Variants in APBA2 observed in about 807,000 individuals in gnomAD.
APBA2 encodes the protein amyloid beta precursor protein binding family A member 2.
APBA2 carries 30 observed loss-of-function variants against 75.0 expected under a neutral mutation model. The ratio of observed to expected loss-of-function variants is 0.40; its 90% CI spans 0.30 to 0.54. The LOEUF (loss-of-function observed/expected upper bound fraction) is 0.54. APBA2 is among the 20% of genes least tolerant of loss of function. APBA2 has a pLI of 0.49. For missense variants in APBA2, 801 were observed against 1,016.1 expected (o/e 0.79, Z 2.88); for synonymous variants, 444 against 409.6 (o/e 1.08, Z -1.01).
chr15:28,963,290 G>C (rs1270881531), intron 2 of APBA2, among the ~76,000 whole-genome samples: 1 of 152,216 alleles, frequency 6.6e-6, no homozygotes, highest in Non-Finnish European at 1.5e-5. Flanking sequence ...TGTTAACTCA[G>C]GTGCTTTAGG....
intron 1 of APBA2, among the ~76,000 whole-genome samples, chr15:28,914,986 CCA>C (rs2033598892): frequency 6.8e-6 from 1 of 146,922 alleles, no homozygotes; most frequent in Non-Finnish European, 1.5e-5. Flanking sequence ...CCCATACACG[CCA>C]CACACATATC....
intron 3 of APBA2, among the ~76,000 whole-genome samples, chr15:29,013,935 G>T (rs1355497743): frequency 6.6e-6 from 1 of 152,198 alleles, no homozygotes; most frequent in African/African-American, 2.4e-5. Flanking sequence ...TCTCAATCAA[G>T]CAGGATATGT....
At chr15:28,916,643 C>T (rs1336047116) in intron 1 of APBA2, among the ~76,000 whole-genome samples, 5 of 130,946 alleles carry the variant, frequency 3.8e-5, no homozygotes, top group African/African-American at 5.7e-5. Context: ...GCCATCTTGA[C>T]GGACCTGTAA....
rs138958304 is a variant in APBA2 at position 29,033,108 on chromosome 15, C to T, written c.-40-20737C>T. Among the ~76,000 whole-genome samples, 220 of 152,326 alleles carry T rather than the reference C, an allele frequency of 1.4e-3. 1 individual carries two copies. The highest frequency in any genetic ancestry group is 4.3e-3 in the African/African-American group (180 of 41,574). On this transcript the variant is annotated intron_variant, in intron 3 of 14. Coordinates refer to ENST00000683413, the MANE Select transcript of APBA2 (RefSeq NM_001353788.2). Reference sequence around the variant, plus strand: ...TGTGGGCCCCACCCCAGCCTCTGAACGAGAATTGGCATACCAGCCAGATGC... The same window carrying T: ...TGTGGGCCCCACCCCAGCCTCTGAATGAGAATTGGCATACCAGCCAGATGC...
chr15:28,951,598 T>G (rs572056953), intron 2 of APBA2, among the ~76,000 whole-genome samples: 1 of 152,094 alleles, frequency 6.6e-6, no homozygotes, highest in Non-Finnish European at 1.5e-5. Context: ...TATTTTTTTA[T>G]TTTTTGAGAC....
intron 8 of APBA2, among the ~76,000 whole-genome samples, chr15:29,095,418 G>A (rs1350980463): frequency 3.9e-5 from 5 of 126,798 alleles, no homozygotes; most frequent in East Asian, 5.0e-4. Context: ...CAACACGAGC[G>A]AAACTCCATC....
chr15:28,935,794 T>C (rs2152694981), intron 2 of APBA2, among the ~76,000 whole-genome samples: 1 of 152,330 alleles, frequency 6.6e-6, no homozygotes, highest in Middle Eastern at 3.4e-3. Flanking sequence ...CCCCTAATTG[T>C]CCAAGAGAAG....
In APBA2 at chr15:28,950,196, T is replaced by C. The variant is rs145414987; in HGVS notation, c.-95+28447T>C. ...CATGGTTAGACTGGAGTTATGGGTTTGGGGGAGGAAAACCACAGAAGCGAA... is the reference window on the plus strand; with the variant it reads ...CATGGTTAGACTGGAGTTATGGGTTCGGGGGAGGAAAACCACAGAAGCGAA... On this transcript the variant is annotated intron_variant, in intron 2 of 14. Coordinates refer to ENST00000683413, the MANE Select transcript of APBA2 (RefSeq NM_001353788.2). Among the ~76,000 whole-genome samples, 663 of 152,290 alleles carry C rather than the reference T, an allele frequency of 4.4e-3. 6 individuals carry two copies. Among genetic ancestry groups the C allele is most frequent in the African/African-American group, 0.015 (627 of 41,558 alleles).
intron 4 of APBA2, among the ~76,000 whole-genome samples, chr15:29,061,583 G>A (rs541563077): frequency 2.4e-4 from 37 of 152,368 alleles, no homozygotes; most frequent in Middle Eastern, 6.8e-3. Flanking sequence ...GGGAAGCATG[G>A]TCGAGGGCCC....
intron 8 of APBA2, 116 bp downstream of exon 8, chr15:29,094,429 C>A (rs907142045): frequency 4.0e-6 from 4 of 990,156 alleles, no homozygotes; most frequent in Non-Finnish European, 6.5e-6. Context: ...TGCAAAGCAG[C>A]TTTTCCTCTT....
chr15:29,018,119 C>A (rs1196736342), intron 3 of APBA2, among the ~76,000 whole-genome samples: 1 of 152,080 alleles, frequency 6.6e-6, no homozygotes, highest in Admixed American at 6.5e-5. Context: ...AGTCTCAGGG[C>A]CATTGGATGA....
intron 14 of APBA2, among the ~76,000 whole-genome samples, chr15:29,116,607 G>T (rs1250196921): frequency 6.8e-6 from 1 of 147,626 alleles, no homozygotes; most frequent in Middle Eastern, 3.2e-3. Flanking sequence ...CAGCCTGGGC[G>T]ACAGAGCAAG....
intron 4 of APBA2, among the ~76,000 whole-genome samples, chr15:29,063,385 G>A (rs1286374313): frequency 1.5e-5 from 2 of 133,398 alleles, no homozygotes; most frequent in South Asian, 5.8e-4. Context: ...GTCTGTATGG[G>A]TGGTGCGGGG....
chr15:29,038,576 G>GTGTCCCCACCGT (rs2040861242), intron 3 of APBA2, among the ~76,000 whole-genome samples: 1 of 152,050 alleles, frequency 6.6e-6, no homozygotes, highest in South Asian at 2.1e-4. Context: ...TAGGTGAACG[G>GTGTCCCCACCGT]TGGGGACAGA....
intron 3 of APBA2, among the ~76,000 whole-genome samples, chr15:29,045,437 C>T (rs117638468): frequency 2.2e-3 from 340 of 152,062 alleles, no homozygotes; most frequent in Non-Finnish European, 3.8e-3. Flanking sequence ...GCTCCACCCT[C>T]ATGACCTCAT....
At chr15:29,050,650 C>G (rs548872268) in intron 3 of APBA2, among the ~76,000 whole-genome samples, 1 of 152,270 alleles carries the variant, frequency 6.6e-6, no homozygotes, top group South Asian at 2.1e-4. Context: ...AGGATCTGGA[C>G]TGTTCCATGT....
At chr15:29,028,144 C>G (rs1327027034) in intron 3 of APBA2, among the ~76,000 whole-genome samples, 1 of 151,992 alleles carries the variant, frequency 6.6e-6, no homozygotes, top group Non-Finnish European at 1.5e-5. Context: ...TCCTAATGTT[C>G]TCCCTCCCCC....
intron 4 of APBA2, among the ~76,000 whole-genome samples, chr15:29,073,140 C>T (rs2042699420): frequency 6.6e-6 from 1 of 152,148 alleles, no homozygotes; most frequent in Non-Finnish European, 1.5e-5. Context: ...CTCAAAACCC[C>T]AGAGAGGCAG....
At chr15:29,006,289 T>C (rs776677118) in intron 3 of APBA2, among the ~76,000 whole-genome samples, 7 of 152,158 alleles carry the variant, frequency 4.6e-5, no homozygotes, top group Non-Finnish European at 8.8e-5. Context: ...CAGTTGCATT[T>C]CTATACACTA....
Sources: allele counts gnomAD v4.1 joint callset (sites outside exome capture counted in the v4.1 genomes callset), GRCh38; gene constraint gnomAD v4.1.1; transcripts MANE v1.5; gene names NCBI Gene and HGNC (gene_info 2026-07-23, HGNC 2026-07-21).